The following LRP5 variants were observed in gnomAD, a reference collection of about 807,000 sequenced individuals.
LRP5 encodes low-density lipoprotein receptor-related protein 5.
Under a neutral mutation model 154.1 loss-of-function variants are expected in LRP5, and 62 were observed. The ratio of observed to expected loss-of-function variants is 0.40; its 90% CI spans 0.33 to 0.50. LRP5 has a LOEUF of 0.50. Ranked by LOEUF, LRP5 falls within the 20% of genes least tolerant of loss-of-function variation. The pLI, the probability that LRP5 is intolerant of heterozygous loss-of-function variation, is 0.55. For missense variants in LRP5, 1,915 were observed against 2,336.7 expected (o/e 0.82, Z 3.72); for synonymous variants, 966 against 1,011.5 (o/e 0.96, Z 0.85).
At chr11:68,361,726 G>A (rs1218789575) in intron 3 of LRP5, among the ~76,000 whole-genome samples, 1 of 152,162 alleles carries the variant, frequency 6.6e-6, no homozygotes, top group East Asian at 1.9e-4. Flanking sequence ...GGAGGCTGAG[G>A]CAGGAGGATG....
At chr11:68,314,819 TGA>T (rs2098591888) in intron 1 of LRP5, among the ~76,000 whole-genome samples, 1 of 152,258 alleles carries the variant, frequency 6.6e-6, no homozygotes, top group Non-Finnish European at 1.5e-5. Context: ...TGGAGCACCC[TGA>T]GAGAGTCCCC....
Position 68,426,105 on chromosome 11 carries a change from G to A in LRP5, c.3555G>A (p.Gly1185=), listed in dbSNP as rs1371747428. The change falls in exon 16 of 23, where the codon GGG becomes GGA. Residue 1185 remains glycine (G), a synonymous_variant. Coordinates refer to ENST00000294304, the MANE Select transcript of LRP5 (RefSeq NM_002335.4). Reference sequence around the variant, plus strand: ...TCGAGCGTGTGGAGAAGACCACCGGGGACAAGCGGACTCGCATCCAGGGCC... The same window carrying A: ...TCGAGCGTGTGGAGAAGACCACCGGAGACAAGCGGACTCGCATCCAGGGCC... ...QMIERVEKTT[G]DKRTRIQGRV... is the part of the protein sequence containing the mutation. 3.1e-6 allele frequency: 5 copies of A among 1,613,280 alleles called. No individual in the cohort carries two copies. In the South Asian group the frequency reaches 3.3e-5, roughly 11 times the overall value.
At chr11:68,432,559 A>G (rs116195382) in intron 17 of LRP5, among the ~76,000 whole-genome samples, 2,219 of 152,248 alleles carry the variant, frequency 0.015, 35 homozygotes, top group African/African-American at 0.037. Context: ...CAAACATCCA[A>G]AGGCTTGCGT....
chr11:68,339,137 G>A (rs566796374), intron 1 of LRP5, among the ~76,000 whole-genome samples: 5 of 151,816 alleles, frequency 3.3e-5, no homozygotes, highest in African/African-American at 1.2e-4. Context: ...GCTTCCCAAA[G>A]TGTTGGCATT....
Position 68,348,247 on chromosome 11 carries a change from A to G in LRP5, c.488+4A>G. 1 of 1,603,774 alleles carries G rather than the reference A, an allele frequency of 6.2e-7. No homozygotes were observed. The highest frequency in any genetic ancestry group is 8.5e-7 in the Non-Finnish European group (1 of 1,179,976). On this transcript the variant is annotated splice_donor_region_variant and intron_variant, in intron 2 of 22. Transcript: ENST00000294304. ...TCGCCTTGGACCCCGCTCACGGGTA[A>G]ACCCTGCTGCGACTCCACCTGGGTC...
intron 1 of LRP5, among the ~76,000 whole-genome samples, chr11:68,329,206 T>C (rs965557730): frequency 1.3e-5 from 2 of 151,866 alleles, no homozygotes; most frequent in Non-Finnish European, 2.9e-5. Flanking sequence ...AAATGTATCC[T>C]GCTTTAGAAC....
intron 1 of LRP5, among the ~76,000 whole-genome samples, chr11:68,315,434 G>C (rs149341099): frequency 6.6e-6 from 1 of 152,364 alleles, no homozygotes; most frequent in Non-Finnish European, 1.5e-5. Context: ...TAGCACTGTG[G>C]ACAGAGCCCC....
chr11:68,337,162 G>A (rs918455210), intron 1 of LRP5, among the ~76,000 whole-genome samples: 9 of 152,214 alleles, frequency 5.9e-5, no homozygotes, highest in Middle Eastern at 3.2e-3. Context: ...GGAGGGACTC[G>A]CTCCGCCAGG....
Position 68,439,832 on chromosome 11 carries a change from C to T in LRP5, c.4404C>T (p.Gly1468=), listed in dbSNP as rs775042995. The change falls in exon 21 of 23, where the codon GGC becomes GGT. Residue 1468 remains glycine, a synonymous_variant. Transcript: ENST00000294304. The stretch of plus-strand genomic sequence containing the variant: ...CCGTGAGCCTGATGGGGGGCCGGGG[C>T]GGGGTGCCCCTCTACGACCGGAACC... ...MSSVSLMGGR[G]GVPLYDRNHV... The T allele has an allele frequency of 1.1e-5, 17 of 1,607,838 alleles. No individual in the cohort carries two copies. The highest frequency in any genetic ancestry group is 2.2e-5 in the East Asian group (1 of 44,598).
rs769785662 is a variant in LRP5 at position 68,446,537 on chromosome 11, G to C, written c.4586+4G>C. ...CGGCCACTGCGAGACCGTACAGGTA[G>C]GACATCCCCTGCAGCCCTCCATGGC... is the stretch of plus-strand genomic sequence containing the variant. On this transcript the variant is annotated splice_donor_region_variant and intron_variant, in intron 22 of 22. Transcript: ENST00000294304. The C allele has an allele frequency of 1.9e-6, 3 of 1,611,938 alleles. No homozygotes were observed. In the Admixed American group the frequency reaches 5.0e-5, roughly 27 times the overall value.
At chr11:68,325,657 C>T (rs575023001) in intron 1 of LRP5, among the ~76,000 whole-genome samples, 8 of 152,312 alleles carry the variant, frequency 5.3e-5, no homozygotes, top group Non-Finnish European at 8.8e-5. Flanking sequence ...GGTGCAGGGT[C>T]GGGGTCCTGG....
At chr11:68,429,357 T>C (rs930932122) in intron 16 of LRP5, among the ~76,000 whole-genome samples, 15 of 152,180 alleles carry the variant, frequency 9.9e-5, no homozygotes, top group African/African-American at 3.4e-4. Flanking sequence ...AAGCAACTTC[T>C]GTAATTGTTT....
Position 68,448,825 on chromosome 11 carries a change from G to T in LRP5, c.4603G>T (p.Gly1535Ter). Residue 1535 changes from glycine to a stop codon, truncating the protein, a stop_gained, in exon 23 of 23, where the codon GGA (glycine) becomes TGA (stop). Coordinates refer to ENST00000294304, the MANE Select transcript of LRP5 (RefSeq NM_002335.4). LOFTEE classifies it high-confidence loss of function. ...ARPYRPYIIR[G>*]MAPPTTPCST... is the part of the protein sequence containing the mutation. ...CCCTTTCAGGCCCTACATCATTCGA[G>T]GAATGGCGCCCCCGACGACGCCCTG... 1 of 1,607,406 alleles carries T rather than the reference G, an allele frequency of 6.2e-7. No homozygotes were observed. The highest frequency in any genetic ancestry group is 8.5e-7 in the Non-Finnish European group (1 of 1,179,936).
chr11:68,308,923 A>AT (rs34529621), upstream of LRP5, among the ~76,000 whole-genome samples: 15,024 of 74,366 alleles, frequency 0.2, 2,038 homozygotes, highest in Non-Finnish European at 0.27. Flanking sequence ...TAATCAGCTA[A>AT]TTTTTTTTTT....
rs978550406 is a variant in LRP5 at position 68,426,216 on chromosome 11, A to G, written c.3637+29A>G. 1.2e-5 allele frequency: 19 copies of G among 1,596,762 alleles called. No individual in the cohort carries two copies. The African/African-American group carries it at 2.4e-4, about 20-fold the overall frequency. On this transcript the variant is annotated intron_variant, in intron 16 of 22. Coordinates refer to ENST00000294304, the MANE Select transcript of LRP5 (RefSeq NM_002335.4). ...CGTGGGGGCTGGCAGTGGGGTGGGC[A>G]GGGTGGCCTCTAAACCCGACCCCTG...
intron 13 of LRP5, among the ~76,000 whole-genome samples, chr11:68,418,428 C>T (rs1591303941): frequency 6.6e-6 from 1 of 151,852 alleles, no homozygotes; most frequent in Non-Finnish European, 1.5e-5. Context: ...CAGAGCCACA[C>T]GGCCTCTTTC....
rs2098589225 is a variant in LRP5, at chr11:68,312,737, C to A, written c.23C>A (p.Pro8Gln). The A allele has an allele frequency of 9.5e-7, 1 of 1,057,148 alleles. No individual in the cohort carries two copies. The highest frequency in any genetic ancestry group is 1.1e-6 in the Non-Finnish European group (1 of 876,500). 65.5% of individuals were successfully genotyped at this position (1,057,148 alleles called of 1,614,324 possible). A position where few individuals can be genotyped will look rare whatever the true frequency, so the allele number is the denominator to read the frequency against. The change falls in exon 1 of 23, where the codon CCG (proline) becomes CAG (glutamine). Residue 8 changes from proline to glutamine, a missense_variant. Pro to Gln is a moderately conservative substitution (Grantham distance 76, BLOSUM62 -1). Transcript: ENST00000294304. MEAAPPGPPWPLLLLLLL... is the reference protein window; with the variant it reads MEAAPPGQPWPLLLLLLL... ...AACATGGAGGCAGCGCCGCCCGGGC[C>A]GCCGTGGCCGCTGCTGCTGCTGCTG...
intron 14 of LRP5, 64 bp from the exon 15 acceptor site, chr11:68,425,038 G>A: frequency 6.7e-7 from 1 of 1,499,148 alleles, no homozygotes; most frequent in Non-Finnish European, 9.2e-7. Context: ...GGGTGCCCTG[G>A]GCTCCGTGCT....
chr11:68,357,911 TC>T, intron 3 of LRP5, 64 bp downstream of exon 3: 1 of 1,469,638 alleles, frequency 6.8e-7, no homozygotes, highest in Non-Finnish European at 9.3e-7. Flanking sequence ...TTGAAGGCGT[TC>T]CTTCTTAACT....
Sources: allele counts gnomAD v4.1 joint callset (sites outside exome capture counted in the v4.1 genomes callset), GRCh38; gene constraint gnomAD v4.1.1; transcripts MANE v1.5; gene names NCBI Gene and HGNC (gene_info 2026-07-23, HGNC 2026-07-21).